DMD: variants seen among roughly 807,000 people sequenced by gnomAD.
The protein encoded by DMD is dystrophin.
DMD carries 63 observed loss-of-function variants against 330.1 expected under a neutral mutation model. The observed-to-expected ratio is 0.19, with a 90% CI of 0.16 to 0.24. The LOEUF (loss-of-function observed/expected upper bound fraction) is 0.24, where lower values mean the gene tolerates loss of function less well. DMD is among the 10% of genes least tolerant of loss of function. The probability of loss-of-function intolerance (pLI) is 1.00; values close to 1 mark genes in which losing one functional copy is unlikely to be tolerated. For missense variants in DMD, 3,344 were observed against 2,684.1 expected (o/e 1.25, Z -5.43); for synonymous variants, 1,223 against 959.8 (o/e 1.27, Z -5.07).
intron 13 of DMD, among the ~76,000 whole-genome samples, chrX:32,579,678 T>G (rs2053444196): frequency 8.8e-6 from 1 of 113,037 alleles, no homozygotes; most frequent in African/African-American, 3.2e-5. Flanking sequence ...ATGTTATAAT[T>G]TGATTCAAAA....
chrX:32,628,850 T>A (rs758098524), intron 11 of DMD, among the ~76,000 whole-genome samples: 35 of 112,155 alleles, frequency 3.1e-4, no homozygotes, highest in Non-Finnish European at 5.8e-4. Flanking sequence ...TACTGATATC[T>A]TGATATATTC....
Position 32,737,140 on chromosome X carries a change from A to AG in DMD, c.650-37848dup, listed in dbSNP as rs755780163. Reference sequence around the variant, plus strand: ...CACCACCACCAACAGCAACAACAAAAGGGGGGGGACATAAAATCTATATAA... The same window carrying AG: ...CACCACCACCAACAGCAACAACAAAAGGGGGGGGGACATAAAATCTATATAA... On this transcript the variant is annotated intron_variant, in intron 7 of 78. Transcript: ENST00000357033. Among the ~76,000 whole-genome samples the AG allele has an allele frequency of 3.0e-3, 331 of 108,990 alleles. 1 individual carries two copies. Among genetic ancestry groups the AG allele is most frequent in the South Asian group, 4.8e-3 (12 of 2,520 alleles). 94.6% of individuals were successfully genotyped at this position (108,990 alleles called of 115,157 possible). A position where few individuals can be genotyped will look rare whatever the true frequency, so the allele number is the denominator to read the frequency against.
intron 7 of DMD, among the ~76,000 whole-genome samples, chrX:32,760,228 C>A (rs2072095910): frequency 9.0e-6 from 1 of 111,726 alleles, no homozygotes; most frequent in African/African-American, 3.3e-5. Context: ...TACTGTAACA[C>A]AGGACTTCTT....
At chrX:32,642,746 C>A (rs1303323149) in intron 11 of DMD, among the ~76,000 whole-genome samples, 1 of 111,313 alleles carries the variant, frequency 9.0e-6, no homozygotes, top group Non-Finnish European at 1.9e-5. Context: ...ATAATTAATG[C>A]CATATTGTTA....
chrX:32,836,890 T>G (rs2079687944), intron 4 of DMD, among the ~76,000 whole-genome samples: 1 of 112,198 alleles, frequency 8.9e-6, no homozygotes, highest in Non-Finnish European at 1.9e-5. Flanking sequence ...GCAGGAAATT[T>G]TTTTTACTAT....
At chrX:32,695,096 G>C (rs1212682480) in intron 9 of DMD, among the ~76,000 whole-genome samples, 5 of 112,409 alleles carry the variant, frequency 4.4e-5, no homozygotes, top group African/African-American at 1.6e-4. Context: ...GCACATAATA[G>C]GTGATTCAAA....
At chrX:32,935,418 C>T (rs1217300519) in intron 2 of DMD, among the ~76,000 whole-genome samples, 2 of 112,339 alleles carry the variant, frequency 1.8e-5, no homozygotes, top group East Asian at 5.6e-4. Flanking sequence ...TATGTACTAT[C>T]TGGCCCTTTA....
chrX:32,213,829 C>T (rs976204012), intron 44 of DMD, among the ~76,000 whole-genome samples: 2 of 110,301 alleles, frequency 1.8e-5, no homozygotes, highest in East Asian at 5.7e-4. Flanking sequence ...CAAAAATTAG[C>T]CAGGTGTGGG....
intron 11 of DMD, among the ~76,000 whole-genome samples, chrX:32,638,377 T>A (rs889547756): frequency 4.5e-5 from 5 of 111,976 alleles, no homozygotes; most frequent in Non-Finnish European, 9.4e-5. Context: ...AAGTAGAGGT[T>A]TACAAAGAAG....
intron 60 of DMD, among the ~76,000 whole-genome samples, chrX:31,369,125 T>C (rs1389288442): frequency 8.9e-6 from 1 of 112,361 alleles, no homozygotes; most frequent in African/African-American, 3.2e-5. Context: ...AAGACCCTCT[T>C]TGTCATCAAT....
rs750251082 is a variant in DMD at position 33,290,020 on chromosome X, C to T, written c.7+49239G>A. Among the ~76,000 whole-genome samples, 14 of 111,268 alleles carry T rather than the reference C, an allele frequency of 1.3e-4. No homozygotes were observed. The East Asian group carries it at 2.5e-3, about 20-fold the overall frequency. On this transcript the variant is annotated intron_variant, in intron 1 of 17. Coordinates refer to the DMD transcript ENST00000288447. ...GAATAAAAAACAAAAGAAAACAAAA[C>T]GAATTCCACCCCAAATGTGCTCCTC... is the stretch of plus-strand genomic sequence containing the variant.
intron 57 of DMD, among the ~76,000 whole-genome samples, chrX:31,479,314 G>A (rs1285688597): frequency 8.9e-6 from 1 of 111,841 alleles, no homozygotes; most frequent in Non-Finnish European, 1.9e-5. Context: ...CTATTCTGGG[G>A]AGATGGGGGG....
intron 51 of DMD, among the ~76,000 whole-genome samples, chrX:31,750,399 G>A (rs1488018964): frequency 1.8e-5 from 2 of 109,061 alleles, no homozygotes; most frequent in Non-Finnish European, 3.8e-5. Flanking sequence ...TATTAAATAG[G>A]GAATCCTTTC....
chrX:32,329,144 C>A (rs2054472020), intron 41 of DMD, among the ~76,000 whole-genome samples: 1 of 112,238 alleles, frequency 8.9e-6, no homozygotes, highest in African/African-American at 3.2e-5. Flanking sequence ...TTCATCAAGC[C>A]TACATTCTAA....
chrX:32,785,140 C>T (rs939628920), intron 7 of DMD, among the ~76,000 whole-genome samples: 13 of 108,918 alleles, frequency 1.2e-4, no homozygotes, highest in African/African-American at 4.3e-4. Flanking sequence ...TCAAATCAAC[C>T]CATTGGAAAA....
chrX:32,898,273 C>A (rs2149286259), intron 2 of DMD, among the ~76,000 whole-genome samples: 1 of 111,746 alleles, frequency 8.9e-6, no homozygotes, highest in South Asian at 3.8e-4. Flanking sequence ...CTTCCTGCCT[C>A]TCTAATATCT....
intron 43 of DMD, among the ~76,000 whole-genome samples, chrX:32,236,529 C>A (rs1002255349): frequency 3.6e-5 from 4 of 111,630 alleles, no homozygotes; most frequent in Non-Finnish European, 5.7e-5. Context: ...GGAAGGACCT[C>A]GTGGGAGGTA....
At chrX:31,764,545 C>T (rs2089863271) in intron 51 of DMD, among the ~76,000 whole-genome samples, 1 of 111,970 alleles carries the variant, frequency 8.9e-6, no homozygotes, top group African/African-American at 3.2e-5. Flanking sequence ...ATTACTCTCT[C>T]CAAATTACTC....
At chrX:32,765,002 T>C (rs1264431117) in intron 7 of DMD, among the ~76,000 whole-genome samples, 1 of 107,290 alleles carries the variant, frequency 9.3e-6, no homozygotes, top group African/African-American at 3.4e-5. Context: ...ATCATCCTAA[T>C]GGGTGTGAAG....
Sources: gnomAD v4.1 joint callset for allele counts (sites outside exome capture counted in the v4.1 genomes callset) on GRCh38, gnomAD v4.1.1 for gene constraint, MANE v1.5 for transcripts, NCBI Gene and HGNC (gene_info 2026-07-23, HGNC 2026-07-21) for gene names.